Variants in SS18L1 observed in about 807,000 individuals in gnomAD.
SS18L1 encodes SS18L1 subunit of BAF chromatin remodeling complex.
In SS18L1, 32 loss-of-function variants were observed where a neutral mutation model predicts 70.3. That is an observed-to-expected ratio of 0.46 (90% CI 0.34 to 0.61). The LOEUF (loss-of-function observed/expected upper bound fraction) is 0.61. SS18L1 is among the 20% of genes least tolerant of loss of function. The pLI is 0.01. For missense variants in SS18L1, 430 were observed against 542.1 expected, an observed-to-expected ratio of 0.79 and a Z score of 2.05; for synonymous variants, 237 against 229.7, an observed-to-expected ratio of 1.03 and a Z score of -0.29.
At chr20:62,149,900 A>G (rs747675827) in intron 1 of SS18L1, among the ~76,000 whole-genome samples, 10 of 152,316 alleles carry the variant, frequency 6.6e-5, no homozygotes, top group Middle Eastern at 3.4e-3. Context: ...GCGTGTTGCT[A>G]GTACAATAAG....
Position 62,161,734 on chromosome 20 carries a change from C to T in SS18L1, c.376+154C>T, listed in dbSNP as rs2057334122. 2.0e-5 allele frequency among the ~76,000 whole-genome samples: 3 copies of T among 152,232 alleles called. No homozygotes were observed. The highest frequency in any genetic ancestry group is 1.3e-4 in the Admixed American group (2 of 15,286). The stretch of plus-strand genomic sequence containing the variant: ...TAGCCACAGGTCGGCTGCCATCGCC[C>T]AGGCTCAGGGCCGCAGCGAGCGTGC... On this transcript the variant is annotated intron_variant, in intron 4 of 10. Transcript: ENST00000331758. This position sits in a 1 kb window ranked among gnomAD's most constrained non-coding sequence, Gnocchi z 4.4.
chr20:62,146,920 C>T (rs1042199056), intron 1 of SS18L1, among the ~76,000 whole-genome samples: 1 of 152,168 alleles, frequency 6.6e-6, no homozygotes, highest in African/African-American at 2.4e-5. Flanking sequence ...GCCACCATGC[C>T]TGGCCTCAAT....
chr20:62,147,596 A>G (rs1051418457), intron 1 of SS18L1, among the ~76,000 whole-genome samples: 2 of 152,140 alleles, frequency 1.3e-5, no homozygotes, highest in African/African-American at 4.8e-5. Flanking sequence ...TGGCCGGATA[A>G]TAGCAGTGGT....
chr20:62,178,588 C>T (rs925639285), intron 10 of SS18L1, among the ~76,000 whole-genome samples: 7 of 152,154 alleles, frequency 4.6e-5, no homozygotes, highest in Non-Finnish European at 7.4e-5. Context: ...CAGGGTCTCA[C>T]CCAGACTAGA....
chr20:62,163,654 A>G, intron 6 of SS18L1, 32 bp downstream of exon 6: 1 of 1,519,470 alleles, frequency 6.6e-7, no homozygotes, highest in Non-Finnish European at 8.8e-7. Context: ...TCGCGGGCAC[A>G]GCTGACCGCC....
At chr20:62,145,109 T>A (rs943837713) in intron 1 of SS18L1, among the ~76,000 whole-genome samples, 1 of 152,262 alleles carries the variant, frequency 6.6e-6, no homozygotes, top group Non-Finnish European at 1.5e-5. Flanking sequence ...AGATTGAGAA[T>A]AGCAGAAATA....
intron 3 of SS18L1, among the ~76,000 whole-genome samples, chr20:62,160,965 TGGGGTGG>T (rs1169075999): frequency 1.3e-5 from 2 of 150,368 alleles, no homozygotes; most frequent in African/African-American, 4.9e-5. Context: ...GAGGCGGGTG[TGGGGTGG>T]GGGTAGTCGG....
At chr20:62,171,181 C>T (rs1292711555) in intron 8 of SS18L1, among the ~76,000 whole-genome samples, 1 of 152,022 alleles carries the variant, frequency 6.6e-6, no homozygotes, top group Non-Finnish European at 1.5e-5. Context: ...GGATTACAGG[C>T]GTGAGCCACC....
rs79101644 is a variant in SS18L1, at chr20:62,153,480, G to T, written c.70-5192G>T. On this transcript the variant is annotated intron_variant, in intron 1 of 10. Transcript: ENST00000331758. ...GGTGACCAGGGAGAACAGGTCACCC[G>T]ATAAGGTCTGCCCTCCCCGCTGCAC... 3.7e-3 allele frequency among the ~76,000 whole-genome samples: 555 copies of T among 151,952 alleles called. 4 individuals are homozygous for T. Among genetic ancestry groups the T allele is most frequent in the African/African-American group, 0.013 (529 of 41,440 alleles).
In SS18L1 at chr20:62,174,017, T is replaced by TAA. The variant is rs59638414; in HGVS notation, c.1037-484_1037-483dup. On this transcript the variant is annotated intron_variant, in intron 9 of 10. Transcript: ENST00000331758. The surrounding 1 kb of genome is among the most constrained non-coding windows in gnomAD (Gnocchi z 4.1). ...TTGGGTGACAGAGTGACACCCTGCC[T>TAA]AAAAAAAAAAAAAAAAATTGGCCTC... is the stretch of plus-strand genomic sequence containing the variant. Among the ~76,000 whole-genome samples, 7 of 133,818 alleles carry TAA rather than the reference T, an allele frequency of 5.2e-5. No individual in the cohort carries two copies. Among genetic ancestry groups the TAA allele is most frequent in the South Asian group, 2.3e-4 (1 of 4,324 alleles). The allele number at this position is 133,818 out of a possible 152,430, so 87.8% of individuals were successfully genotyped here.
At chr20:62,163,736 G>A (rs1408368149) in intron 6 of SS18L1, 114 bp downstream of exon 6, 70 of 1,380,658 alleles carry the variant, frequency 5.1e-5, no homozygotes, top group Non-Finnish European at 6.6e-5. Flanking sequence ...GGGAGCCTGG[G>A]GGAGTGAGGC....
At position 62,143,810 on chromosome 20, in the gene SS18L1, G is replaced by A. The variant is rs767199985; in HGVS notation, c.-11G>A. ...CCTCGATGACCACGGGCTGAGCCCC[G>A]CGCCGCCACCATGTCCGTGGCCTTC... On this transcript the variant is annotated 5_prime_UTR_variant, in exon 1 of 11. Coordinates refer to ENST00000331758, the MANE Select transcript of SS18L1 (RefSeq NM_198935.3). 1.5e-6 allele frequency: 2 copies of A among 1,338,708 alleles called. No homozygotes were observed. Among genetic ancestry groups the A allele is most frequent in the Non-Finnish European group, 2.0e-6 (2 of 1,014,072 alleles). 82.9% of individuals were successfully genotyped at this position (1,338,708 alleles called of 1,614,324 possible).
intron 1 of SS18L1, among the ~76,000 whole-genome samples, chr20:62,144,511 C>T (rs183838431): frequency 3.2e-4 from 49 of 152,336 alleles, no homozygotes; most frequent in African/African-American, 1.1e-3. Flanking sequence ...CGTTACGCAG[C>T]CCGGCCCCGT....
At chr20:62,146,003 A>G (rs1330674009) in intron 1 of SS18L1, among the ~76,000 whole-genome samples, 1 of 148,850 alleles carries the variant, frequency 6.7e-6, no homozygotes, top group Non-Finnish European at 1.5e-5. Flanking sequence ...TCTGCGTGGT[A>G]GCGAAGGAGA....
rs368711305 is a variant in SS18L1, at chr20:62,174,665, C to T, written c.1164+21C>T. On this transcript the variant is annotated intron_variant, in intron 10 of 10. Coordinates refer to ENST00000331758, the MANE Select transcript of SS18L1 (RefSeq NM_198935.3). The surrounding 1 kb of genome is among the most constrained non-coding windows in gnomAD (Gnocchi z 4.1). ...AACAGGCAAGCTTTCTGGATGTTTC[C>T]AGATGTGCCCATCCGCCGCGCCTGT... 1.9e-6 allele frequency: 3 copies of T among 1,613,250 alleles called. No homozygotes were observed. In the Middle Eastern group the frequency reaches 4.9e-4, roughly 266 times the overall value.
At chr20:62,162,980 G>A (rs752137170) in intron 5 of SS18L1, 49 bp downstream of exon 5, 1 of 1,592,786 alleles carries the variant, frequency 6.3e-7, no homozygotes, top group Non-Finnish European at 8.5e-7. Context: ...CTGCCTCCAA[G>A]ACCCTTGACA....
At chr20:62,150,611 AG>A (rs2057109658) in intron 1 of SS18L1, among the ~76,000 whole-genome samples, 1 of 133,802 alleles carries the variant, frequency 7.5e-6, no homozygotes, top group Non-Finnish European at 1.6e-5. Context: ...AATTCTCCGG[AG>A]CATAAGAAAC....
chr20:62,163,315 G>A (rs2057366131), intron 5 of SS18L1, 143 bp from the exon 6 acceptor site: 5 of 1,260,784 alleles, frequency 4.0e-6, no homozygotes, highest in East Asian at 2.4e-5. Flanking sequence ...TAGGGGAGGC[G>A]TGCCTTGCGG....
chr20:62,175,324 G>A, intron 10 of SS18L1: 1 of 985,458 alleles, frequency 1.0e-6, no homozygotes, highest in Non-Finnish European at 1.2e-6. Flanking sequence ...GTGGGCGTAG[G>A]GGCCTCCATA....
Sources: gnomAD v4.1 joint callset for allele counts (sites outside exome capture counted in the v4.1 genomes callset) on GRCh38, gnomAD v4.1.1 for gene constraint, Gnocchi (gnomAD v3.1) non-coding constraint, MANE v1.5 for transcripts, NCBI Gene and HGNC (gene_info 2026-07-23, HGNC 2026-07-21) for gene names.